Variants in PLEKHG5 observed in about 807,000 individuals in gnomAD.
The protein encoded by PLEKHG5 is pleckstrin homology and RhoGEF domain containing G5.
PLEKHG5 carries 52 observed loss-of-function variants against 103.8 expected under a neutral mutation model. The observed-to-expected ratio is 0.50, with a 90% CI of 0.40 to 0.63. The LOEUF is 0.63. Ranked by LOEUF, PLEKHG5 falls within the 30% of genes least tolerant of loss-of-function variation. The probability of loss-of-function intolerance (pLI) is 0.00; values close to 1 mark genes in which losing one functional copy is unlikely to be tolerated. For synonymous variants in PLEKHG5, 592 were observed against 575.5 expected (o/e 1.03, Z -0.41); for missense variants, 1,205 against 1,347.6 (o/e 0.89, Z 1.66).
Position 6,473,036 on chromosome 1 carries a change from C to A in PLEKHG5, c.934G>T (p.Ala312Ser). ...EYDEDEDEDN[A>S]CLRLEDSWRE... The stretch of plus-strand genomic sequence containing the variant: ...CAGCTGTCCTCCAGCCTCAGGCAGG[C>A]ATTGTCCTCATCCTCGTCTTCATCG... The change falls in exon 9 of 21, where the codon GCC (alanine) becomes TCC (serine). Residue 312 changes from alanine to serine, a missense_variant. Transcript: ENST00000377728. 6.2e-7 allele frequency: 1 copy of A among 1,614,100 alleles called. No individual in the cohort carries two copies. Among genetic ancestry groups the A allele is most frequent in the Non-Finnish European group, 8.5e-7 (1 of 1,180,028 alleles).
Position 6,491,157 on chromosome 1 carries a change from T to A in PLEKHG5, c.-88+480A>T, listed in dbSNP as rs532505349. Among the ~76,000 whole-genome samples, 1 of 152,068 alleles carries A rather than the reference T, an allele frequency of 6.6e-6. No individual in the cohort carries two copies. Among genetic ancestry groups the A allele is most frequent in the South Asian group, 2.1e-4 (1 of 4,804 alleles). ...GGGTGCTGTTCTGCCATTTAGTGGT[T>A]CCCAGTTCCCCTCTCCCAGCAGCGG... On this transcript the variant is annotated intron_variant, in intron 1 of 20. Coordinates refer to ENST00000377728, the MANE Select transcript of PLEKHG5 (RefSeq NM_020631.6). The surrounding 1 kb of genome is among the most constrained non-coding windows in gnomAD (Gnocchi z 4.1).
upstream of PLEKHG5, among the ~76,000 whole-genome samples, chr1:6,497,709 C>T (rs1046543197): frequency 6.6e-6 from 1 of 152,146 alleles, no homozygotes. This position sits in a 1 kb window ranked among gnomAD's most constrained non-coding sequence, Gnocchi z 6.1. Context: ...GCAGAGCCCC[C>T]ACCCCAGCCC....
chr1:6,513,867 G>A (rs1473218998), intron 1 of PLEKHG5, among the ~76,000 whole-genome samples: 2 of 152,182 alleles, frequency 1.3e-5, no homozygotes, highest in Non-Finnish European at 2.9e-5. Context: ...GCCCTTCCCC[G>A]CTAAGCCCAG....
upstream of PLEKHG5, among the ~76,000 whole-genome samples, chr1:6,494,256 G>A (rs551203827): frequency 4.5e-4 from 67 of 148,014 alleles, no homozygotes; most frequent in Non-Finnish European, 7.1e-4. Flanking sequence ...TCAGCCTCCC[G>A]AGTAGCTGGA....
At chr1:6,481,023 AGT>A (rs1644884149) in intron 1 of PLEKHG5, among the ~76,000 whole-genome samples, 1 of 152,254 alleles carries the variant, frequency 6.6e-6, no homozygotes, top group East Asian at 1.9e-4. Context: ...CTCCACCTTT[AGT>A]ATCTGTGGCC....
rs1238098015 is a variant in PLEKHG5 at position 6,490,867 on chromosome 1, G to C, written c.-88+770C>G. ...TGGTCATTAACTTGGGCTTGAAGAC[G>C]GGAGCTCGCCCATCCCGGAAGGGGG... On this transcript the variant is annotated intron_variant, in intron 1 of 20. Coordinates refer to ENST00000377728, the MANE Select transcript of PLEKHG5 (RefSeq NM_020631.6). The surrounding 1 kb of genome is among the most constrained non-coding windows in gnomAD (Gnocchi z 8.0). Among the ~76,000 whole-genome samples, 5 of 152,250 alleles carry C rather than the reference G, an allele frequency of 3.3e-5. No individual in the cohort carries two copies. The highest frequency in any genetic ancestry group is 7.2e-5 in the African/African-American group (3 of 41,558).
intron 1 of PLEKHG5, among the ~76,000 whole-genome samples, chr1:6,506,500 C>T (rs1331147856): frequency 1.3e-5 from 2 of 152,214 alleles, no homozygotes; most frequent in South Asian, 2.1e-4. Flanking sequence ...GCGATTGTTT[C>T]GTGGTCTCTT....
chr1:6,477,775 G>A, intron 1 of PLEKHG5, 117 bp from the exon 2 acceptor site: 1 of 1,072,602 alleles, frequency 9.3e-7, no homozygotes, highest in East Asian at 2.6e-5. Flanking sequence ...TCCAGGGTGA[G>A]GAGACGCCCC....
At chr1:6,502,615 A>G (rs1645307778) in intron 1 of PLEKHG5, among the ~76,000 whole-genome samples, 1 of 152,206 alleles carries the variant, frequency 6.6e-6, no homozygotes, top group South Asian at 2.1e-4. Context: ...GGCTTCCTCC[A>G]GAGGTTCCTC....
At chr1:6,479,380 C>G (rs994705596) in intron 1 of PLEKHG5, among the ~76,000 whole-genome samples, 2 of 149,654 alleles carry the variant, frequency 1.3e-5, no homozygotes, top group Non-Finnish European at 3.0e-5. Flanking sequence ...TCCGCCTCCT[C>G]GGTTCACACC....
intron 4 of PLEKHG5, among the ~76,000 whole-genome samples, 155 bp from the exon 5 acceptor site, chr1:6,475,293 T>C (rs1455876570): frequency 8.9e-6 from 1 of 112,798 alleles, no homozygotes; most frequent in African/African-American, 3.6e-5. Context: ...CTCCCCACCC[T>C]CCGGTCTCGG....
In PLEKHG5 at chr1:6,486,038, C is replaced by T; in HGVS notation, c.-88+5599G>A. The T allele has an allele frequency of 3.3e-6, 1 of 302,158 alleles. No homozygotes were observed. The highest frequency in any genetic ancestry group is 4.9e-6 in the Non-Finnish European group (1 of 205,568). 18.7% of individuals were successfully genotyped at this position (302,158 alleles called of 1,614,324 possible). ...CTGGGTGACTCGATCCCCGCCCAGC[C>T]CTGGGGGTGCCCACTCTGCTGTGGT... is the stretch of plus-strand genomic sequence containing the variant. On this transcript the variant is annotated intron_variant, in intron 1 of 20. Transcript: ENST00000377728. This position sits in a 1 kb window ranked among gnomAD's most constrained non-coding sequence, Gnocchi z 5.3.
intron 12 of PLEKHG5, 184 bp downstream of exon 12, chr1:6,471,304 T>G: frequency 1.3e-6 from 1 of 788,722 alleles, no homozygotes; most frequent in Non-Finnish European, 2.0e-6. Flanking sequence ...GGGTAGATGG[T>G]CAGGTGGAGG....
chr1:6,502,039 G>A lies in PLEKHG5; in HGVS notation c.-164-5470C>T, dbSNP rs55748008. ...TGTGGCCTTGAATGTCCCCTCCCGCGTGAGCCCCACCCTCCTGGGCGCCGG... is the reference window on the plus strand; with the variant it reads ...TGTGGCCTTGAATGTCCCCTCCCGCATGAGCCCCACCCTCCTGGGCGCCGG... On this transcript the variant is annotated intron_variant, in intron 1 of 21. Coordinates refer to the PLEKHG5 transcript ENST00000377740. Among the ~76,000 whole-genome samples the A allele has an allele frequency of 3.6e-3, 553 of 152,328 alleles. 1 individual carries two copies. The highest frequency in any genetic ancestry group is 5.9e-3 in the Non-Finnish European group (400 of 68,036).
upstream of PLEKHG5, among the ~76,000 whole-genome samples, chr1:6,494,111 C>T (rs940683867): frequency 6.8e-6 from 1 of 147,070 alleles, no homozygotes; most frequent in Non-Finnish European, 1.5e-5. Flanking sequence ...ACCACCACAC[C>T]TGGCTAATTT....
chr1:6,511,898 G>A (rs534404416), intron 1 of PLEKHG5, among the ~76,000 whole-genome samples: 17 of 152,346 alleles, frequency 1.1e-4, no homozygotes, highest in African/African-American at 3.8e-4. Context: ...GCCCTTGGAA[G>A]CCGGGGAGCC....
upstream of PLEKHG5, chr1:6,497,382 G>A: frequency 9.2e-7 from 1 of 1,081,754 alleles, no homozygotes; most frequent in African/African-American, 1.7e-5. This position sits in a 1 kb window ranked among gnomAD's most constrained non-coding sequence, Gnocchi z 6.1. Flanking sequence ...GGGGACGCCG[G>A]GGACTGGGAG....
chr1:6,501,718 G>A lies in PLEKHG5; in HGVS notation c.-164-5149C>T, dbSNP rs964008344. Among the ~76,000 whole-genome samples the A allele has an allele frequency of 1.1e-4, 16 of 152,170 alleles. No individual in the cohort carries two copies. The highest frequency in any genetic ancestry group is 2.9e-4 in the African/African-American group (12 of 41,432). ...AGGCTGTGAGTGTGTAAGCCTCCAA[G>A]CCTGTGCTCCTAACCGCCAGGCTAC... On this transcript the variant is annotated intron_variant, in intron 1 of 21. Transcript: ENST00000377740. The surrounding 1 kb of genome is among the most constrained non-coding windows in gnomAD (Gnocchi z 4.3).
rs554600614 is a variant in PLEKHG5, at chr1:6,504,358, T to C, written c.-164-7789A>G. On this transcript the variant is annotated intron_variant, in intron 1 of 21. Transcript: ENST00000377740. ...CAGCTGGGCAGCTGGGCCGCCCCTC[T>C]CATGTCCTGCCCTCCCTGCCTTCTG... 2.0e-5 allele frequency among the ~76,000 whole-genome samples: 3 copies of C among 151,964 alleles called. No individual in the cohort carries two copies. The South Asian group carries it at 6.2e-4, about 32-fold the overall frequency.
Sources: allele counts gnomAD v4.1 joint callset (sites outside exome capture counted in the v4.1 genomes callset), GRCh38; gene constraint gnomAD v4.1.1; non-coding constraint Gnocchi (gnomAD v3.1); transcripts MANE v1.5; gene names NCBI Gene and HGNC (gene_info 2026-07-23, HGNC 2026-07-21).